Variants in FAM13A observed in about 807,000 individuals in gnomAD.
The protein encoded by FAM13A is family with sequence similarity 13 member A, also known as protein FAM13A.
FAM13A carries 76 observed loss-of-function variants against 129.6 expected under a neutral mutation model. That is an observed-to-expected ratio of 0.59 (90% CI 0.49 to 0.71). FAM13A has a LOEUF of 0.71. Ranked by LOEUF, FAM13A falls within the 30% of genes least tolerant of loss-of-function variation. The pLI is 0.00. For synonymous variants in FAM13A, 443 were observed against 449.9 expected, an observed-to-expected ratio of 0.98 and a Z score of 0.20; for missense variants, 1,108 against 1,249.3, an observed-to-expected ratio of 0.89 and a Z score of 1.70.
intron 1 of FAM13A, among the ~76,000 whole-genome samples, chr4:89,055,334 G>A (rs1772089210): frequency 6.6e-6 from 1 of 152,084 alleles, no homozygotes; most frequent in African/African-American, 2.4e-5. Context: ...ACAATCAAAG[G>A]CCAACCTTAA....
chr4:88,936,768 T>G (rs1753916358), intron 5 of FAM13A: 1 of 152,202 alleles, frequency 6.6e-6, no homozygotes, highest in Non-Finnish European at 1.5e-5. Flanking sequence ...AAGGTATGAG[T>G]GTTAAAAATT....
intron 5 of FAM13A, among the ~76,000 whole-genome samples, chr4:88,913,246 GGAA>G (rs1241785897): frequency 1.2e-4 from 16 of 128,066 alleles, no homozygotes; most frequent in African/African-American, 2.1e-4. Context: ...AGGAGGAGGA[GGAA>G]GAAGAAGAGG....
intron 6 of FAM13A, among the ~76,000 whole-genome samples, chr4:88,896,667 T>A (rs1746388892): frequency 6.6e-6 from 1 of 152,182 alleles, no homozygotes; most frequent in African/African-American, 2.4e-5. Context: ...AAAAACAAGT[T>A]AACAATTGCT....
chr4:88,792,896 A>C (rs1338662656), intron 8 of FAM13A, among the ~76,000 whole-genome samples: 1 of 152,046 alleles, frequency 6.6e-6, no homozygotes, highest in Admixed American at 6.6e-5. Flanking sequence ...AAAGAAAGGC[A>C]AGAAAGAAAA....
chr4:88,870,690 C>A (rs2150074686), intron 6 of FAM13A, among the ~76,000 whole-genome samples: 1 of 152,344 alleles, frequency 6.6e-6, no homozygotes, highest in South Asian at 2.1e-4. Flanking sequence ...CCTCTGGGAG[C>A]AGGACACAGC....
At chr4:88,816,100 T>G (rs1238597801) in intron 7 of FAM13A, among the ~76,000 whole-genome samples, 2 of 152,058 alleles carry the variant, frequency 1.3e-5, no homozygotes, top group Non-Finnish European at 2.9e-5. Flanking sequence ...CTCTCTATCA[T>G]TATATAAGAA....
At chr4:88,939,926 C>T (rs1754478525) in intron 4 of FAM13A, among the ~76,000 whole-genome samples, 7 of 152,076 alleles carry the variant, frequency 4.6e-5, no homozygotes, top group Admixed American at 4.6e-4. Context: ...CAAATCATTC[C>T]CCAAACTCGA....
chr4:88,864,834 G>A (rs928323340), intron 6 of FAM13A, among the ~76,000 whole-genome samples: 2 of 152,234 alleles, frequency 1.3e-5, no homozygotes, highest in East Asian at 3.8e-4. Context: ...ATTCGTAAGT[G>A]TAAGTAGTTA....
chr4:88,902,778 G>A (rs545256229), intron 6 of FAM13A, among the ~76,000 whole-genome samples: 107 of 152,206 alleles, frequency 7.0e-4, no homozygotes, highest in Non-Finnish European at 1.1e-3. Flanking sequence ...GCAAGAGAAA[G>A]AAATAAACCG....
At chr4:88,984,352 G>T (rs1167767827) in intron 4 of FAM13A, among the ~76,000 whole-genome samples, 1 of 152,004 alleles carries the variant, frequency 6.6e-6, no homozygotes, top group East Asian at 1.9e-4. Context: ...AAAATGAAAA[G>T]GCAACTTATA....
intron 5 of FAM13A, among the ~76,000 whole-genome samples, chr4:88,928,334 G>A (rs574424901): frequency 4.0e-5 from 6 of 151,390 alleles, no homozygotes; most frequent in Admixed American, 1.3e-4. Context: ...AATGTTCTGC[G>A]AATGTCTGCT....
chr4:88,990,838 A>G (rs1762839048), intron 4 of FAM13A, 135 bp downstream of exon 4: 2 of 616,072 alleles, frequency 3.2e-6, no homozygotes, highest in Non-Finnish European at 5.5e-6. Context: ...ATGCCCAAGA[A>G]CAAGATACAA....
intron 6 of FAM13A, among the ~76,000 whole-genome samples, chr4:88,905,001 A>G (rs1285717732): frequency 6.6e-6 from 1 of 152,194 alleles, no homozygotes; most frequent in Admixed American, 6.5e-5. Flanking sequence ...TTATTTAAAA[A>G]AATTACAGCT....
At chr4:88,773,978 T>G (rs1721192098) in intron 11 of FAM13A, among the ~76,000 whole-genome samples, 1 of 152,144 alleles carries the variant, frequency 6.6e-6, no homozygotes, top group Non-Finnish European at 1.5e-5. Flanking sequence ...AAAATGGCTA[T>G]GAAGCTTTAG....
At chr4:89,018,146 G>A (rs1766762444) in intron 3 of FAM13A, among the ~76,000 whole-genome samples, 2 of 152,118 alleles carry the variant, frequency 1.3e-5, no homozygotes, top group Admixed American at 1.3e-4. Flanking sequence ...ATATGTTGAA[G>A]CTCTAACCTC....
chr4:89,039,205 C>T (rs763398889), intron 1 of FAM13A, among the ~76,000 whole-genome samples: 32 of 152,162 alleles, frequency 2.1e-4, no homozygotes, highest in Admixed American at 9.8e-4. Context: ...CATTCTAACA[C>T]AGTATCAGCC....
chr4:89,025,803 C>T (rs1767897852), intron 2 of FAM13A, among the ~76,000 whole-genome samples: 1 of 152,088 alleles, frequency 6.6e-6, no homozygotes. Context: ...CACACAGACG[C>T]ATACTTATAT....
intron 4 of FAM13A, among the ~76,000 whole-genome samples, chr4:88,958,036 T>G (rs1007058389): frequency 1.3e-5 from 2 of 152,048 alleles, no homozygotes; most frequent in African/African-American, 2.4e-5. Context: ...AGCATAAAGT[T>G]TGGAAAATGT....
At chr4:88,923,382 G>A (rs1335692022) in intron 5 of FAM13A, among the ~76,000 whole-genome samples, 2 of 152,344 alleles carry the variant, frequency 1.3e-5, no homozygotes, top group South Asian at 2.1e-4. Context: ...TCCCTGGGAT[G>A]CAAGGCTGGT....
Sources: allele counts gnomAD v4.1 joint callset (sites outside exome capture counted in the v4.1 genomes callset), GRCh38; gene constraint gnomAD v4.1.1; transcripts MANE v1.5; gene names NCBI Gene and HGNC (gene_info 2026-07-23, HGNC 2026-07-21).